The following PDS5B variants were observed in gnomAD, a reference collection of about 807,000 sequenced individuals.
PDS5B encodes the protein PDS5 cohesin associated factor B, also known as sister chromatid cohesion protein PDS5 homolog B.
A neutral mutation model predicts 184.1 loss-of-function variants in PDS5B; 51 were observed. The ratio of observed to expected loss-of-function variants is 0.28; its 90% CI spans 0.22 to 0.35. The LOEUF is 0.35. Among genes scored for constraint, PDS5B ranks in the 10% least tolerant of loss-of-function variants. The probability of loss-of-function intolerance (pLI) is 1.00; values close to 1 mark genes in which losing one functional copy is unlikely to be tolerated. For synonymous variants in PDS5B, 566 were observed against 569.2 expected, an observed-to-expected ratio of 0.99 and a Z score of 0.08; for missense variants, 1,180 against 1,723.3, an observed-to-expected ratio of 0.68 and a Z score of 5.58.
At position 32,688,531 on chromosome 13, in the gene PDS5B, A is replaced by G. The variant is rs748184931; in HGVS notation, c.1431A>G (p.Leu477=). The G allele has an allele frequency of 5.0e-6, 8 of 1,604,866 alleles. No individual in the cohort carries two copies. In the African/African-American group the frequency reaches 9.4e-5, roughly 19 times the overall value. The change falls in exon 13 of 35, where the codon TTA becomes TTG. Residue 477 remains leucine (L), a synonymous_variant. Coordinates refer to ENST00000315596, the MANE Select transcript of PDS5B (RefSeq NM_015032.4). The stretch of plus-strand genomic sequence containing the variant: ...AAACTACAGAACGGATGAAATGCTT[A>G]TATTACTTGTATGCCACACTGGATT... The part of the protein sequence containing the change: ...NLETTERMKC[L]YYLYATLDLN...
chr13:32,723,336 G>A (rs1219223500), intron 19 of PDS5B, among the ~76,000 whole-genome samples: 1 of 152,098 alleles, frequency 6.6e-6, no homozygotes, highest in Non-Finnish European at 1.5e-5. Context: ...GTGAGATGCT[G>A]AGTTTTTTCT....
At chr13:32,626,569 G>T (rs1292400541) in intron 1 of PDS5B, among the ~76,000 whole-genome samples, 1 of 151,402 alleles carries the variant, frequency 6.6e-6, no homozygotes, top group Non-Finnish European at 1.5e-5. Flanking sequence ...TGAGCCTCCT[G>T]TCACCATCCT....
chr13:32,702,274 T>C (rs1010637722), intron 17 of PDS5B, among the ~76,000 whole-genome samples: 1 of 152,180 alleles, frequency 6.6e-6, no homozygotes, highest in Non-Finnish European at 1.5e-5. Flanking sequence ...TTTGGTTACC[T>C]GTCAGTCACT....
chr13:32,669,306 A>AG (rs1243556814), intron 7 of PDS5B, among the ~76,000 whole-genome samples: 1 of 141,172 alleles, frequency 7.1e-6, no homozygotes, highest in Non-Finnish European at 1.5e-5. Flanking sequence ...TTTGGAGGGG[A>AG]GGGGGGACAC....
In PDS5B at chr13:32,776,292, G is replaced by A. The variant is rs1954954734; in HGVS notation, c.*1240G>A. The A allele has an allele frequency of 6.6e-6, 1 of 152,400 alleles. No homozygotes were observed. The highest frequency in any genetic ancestry group is 2.1e-4 in the South Asian group (1 of 4,824). The allele number at this position is 152,400 out of a possible 1,614,324, so 9.4% of individuals were successfully genotyped here. A position where few individuals can be genotyped will look rare whatever the true frequency, so the allele number is the denominator to read the frequency against. ...CCAAAAAATTGATTCTGGGGGGTGG[G>A]GGCAGCGTAGAAGTGGTATATCCAA... On this transcript the variant is annotated 3_prime_UTR_variant, in exon 35 of 35. Transcript: ENST00000315596.
intron 3 of PDS5B, among the ~76,000 whole-genome samples, chr13:32,655,368 A>ATTT (rs368287046): frequency 3.7e-4 from 10 of 27,180 alleles, no homozygotes; most frequent in African/African-American, 1.7e-3. Flanking sequence ...CCATATATAT[A>ATTT]TATATATTTT....
chr13:32,673,433 C>T lies in PDS5B; in HGVS notation c.846+77C>T, dbSNP rs1950986422. 2.9e-5 allele frequency: 36 copies of T among 1,245,438 alleles called. No individual in the cohort carries two copies. The South Asian group carries it at 4.9e-4, about 17-fold the overall frequency. 77.1% of individuals were successfully genotyped at this position (1,245,438 alleles called of 1,614,324 possible). ...ATTATTTATAGCTTTTTAATTTTTA[C>T]AGTAGTTTTAACTGAATGTAAGAGA... On this transcript the variant is annotated intron_variant, in intron 8 of 34. Transcript: ENST00000315596.
chr13:32,712,650 A>T (rs1952244971), intron 19 of PDS5B, among the ~76,000 whole-genome samples: 1 of 152,234 alleles, frequency 6.6e-6, no homozygotes, highest in Admixed American at 6.5e-5. Flanking sequence ...GACAAGGGAT[A>T]TGTATTGGCA....
intron 13 of PDS5B, chr13:32,689,457 T>A (rs938605368): frequency 1.3e-5 from 2 of 152,182 alleles, no homozygotes; most frequent in East Asian, 3.8e-4. Context: ...GTATTATGTA[T>A]AACTGCTTTT....
chr13:32,650,038 T>C (rs1950329465), intron 2 of PDS5B: 1 of 152,196 alleles, frequency 6.6e-6, no homozygotes, highest in Non-Finnish European at 1.5e-5. Context: ...GAGAAACTAA[T>C]CTTGAACTCA....
intron 1 of PDS5B, among the ~76,000 whole-genome samples, chr13:32,629,953 G>A (rs1004789550): frequency 6.6e-6 from 1 of 152,030 alleles, no homozygotes; most frequent in Non-Finnish European, 1.5e-5. Context: ...GCTTTTAATG[G>A]GTTACTTAAT....
At chr13:32,619,871 T>C (rs960066290) in intron 1 of PDS5B, among the ~76,000 whole-genome samples, 1 of 152,164 alleles carries the variant, frequency 6.6e-6, no homozygotes, top group African/African-American at 2.4e-5. Flanking sequence ...TGGTCTTGGC[T>C]CACTATAACC....
intron 1 of PDS5B, among the ~76,000 whole-genome samples, chr13:32,600,516 A>G (rs1418758408): frequency 6.6e-6 from 1 of 152,204 alleles, no homozygotes; most frequent in Non-Finnish European, 1.5e-5. Context: ...AAGTGGGTGG[A>G]TCACTTGAGG....
At chr13:32,681,715 C>T (rs1265263051) in intron 10 of PDS5B, among the ~76,000 whole-genome samples, 1 of 151,812 alleles carries the variant, frequency 6.6e-6, no homozygotes, top group Non-Finnish European at 1.5e-5. Context: ...TACCCTGTTC[C>T]ATTTTACGTT....
intron 11 of PDS5B, among the ~76,000 whole-genome samples, chr13:32,686,501 G>C (rs1337924535): frequency 1.3e-5 from 2 of 152,028 alleles, no homozygotes; most frequent in East Asian, 3.9e-4. Context: ...TTGGTTTCTT[G>C]AGCTGGCTGC....
chr13:32,775,024 G>T lies in PDS5B; in HGVS notation c.4316G>T (p.Arg1439Leu), dbSNP rs776207788. The change falls in exon 35 of 35, where the codon CGG (arginine) becomes CTG (leucine). Residue 1439 changes from arginine to leucine, a missense_variant. Arg to Leu is a moderately radical substitution (Grantham distance 102, BLOSUM62 -2). Coordinates refer to ENST00000315596, the MANE Select transcript of PDS5B (RefSeq NM_015032.4). ...GGTGACTTTCCTTTTAAGGTACGGC[G>T]GCGAAGTGCTAAAAGGGAACGGCGA... Reference protein sequence around the residue: ...EEEVSTVNVRRRSAKRERR With the variant: ...EEEVSTVNVRLRSAKRERR The T allele has an allele frequency of 3.7e-6, 6 of 1,612,736 alleles. No homozygotes were observed. Among genetic ancestry groups the T allele is most frequent in the Admixed American group, 3.3e-5 (2 of 59,944 alleles).
chr13:32,622,809 G>C (rs970976853), intron 1 of PDS5B, among the ~76,000 whole-genome samples: 4 of 152,048 alleles, frequency 2.6e-5, no homozygotes, highest in Admixed American at 2.0e-4. Flanking sequence ...AATTTGTTTG[G>C]TCTGATGAGA....
Position 32,742,631 on chromosome 13 carries a change from T to C in PDS5B, c.2516T>C (p.Met839Thr). 1 of 1,611,780 alleles carries C rather than the reference T, an allele frequency of 6.2e-7. No individual in the cohort carries two copies. Among genetic ancestry groups the C allele is most frequent in the Non-Finnish European group, 8.5e-7 (1 of 1,178,172 alleles). Residue 839 changes from methionine to threonine, a missense_variant, in exon 23 of 35, where the codon ATG (methionine) becomes ACG (threonine). This residue lies in a region of PDS5B where 475 missense variants were observed against 691.5 expected (regional missense o/e 0.69). Coordinates refer to ENST00000315596, the MANE Select transcript of PDS5B (RefSeq NM_015032.4). ...IKMMVRWLLG[M>T]KNNHSKSGTS... ...ATGATGGTTCGATGGCTACTTGGAATGAAAAATAATCACAGTAAATCAGGA... is the reference window on the plus strand; with the variant it reads ...ATGATGGTTCGATGGCTACTTGGAACGAAAAATAATCACAGTAAATCAGGA...
intron 1 of PDS5B, among the ~76,000 whole-genome samples, chr13:32,633,502 G>A (rs532521092): frequency 6.6e-6 from 1 of 152,262 alleles, no homozygotes; most frequent in African/African-American, 2.4e-5. Context: ...AGCATATAAG[G>A]TAGATGTAAT....
Sources: gnomAD v4.1 joint callset for allele counts (sites outside exome capture counted in the v4.1 genomes callset) on GRCh38, gnomAD v4.1.1 for gene constraint, gnomAD v4.1.1 regional missense constraint, MANE v1.5 for transcripts, NCBI Gene and HGNC (gene_info 2026-07-23, HGNC 2026-07-21) for gene names.